Variants in FANCD2OS observed in about 807,000 individuals in gnomAD.
FANCD2OS encodes FANCD2 opposite strand.
In FANCD2OS, 11 loss-of-function variants were observed where a neutral mutation model predicts 13.2. The ratio of observed to expected loss-of-function variants is 0.83; its 90% CI spans 0.52 to 1.38. The LOEUF (loss-of-function observed/expected upper bound fraction) is 1.38. FANCD2OS is among the 40% of genes most tolerant of loss of function. The pLI, the probability that FANCD2OS is intolerant of heterozygous loss-of-function variation, is 0.00. For missense variants in FANCD2OS, 217 were observed against 213.9 expected, an observed-to-expected ratio of 1.01 and a Z score of -0.09; for synonymous variants, 69 against 84.5, an observed-to-expected ratio of 0.82 and a Z score of 1.01.
rs759252565 is a variant in FANCD2OS at position 10,085,872 on chromosome 3, T to G, written c.*44-4341A>C. ...TGTATTCAGCCCTCCATGTCCTTAG[T>G]AGCCGACTGAAACAGGGAGAACACA... On this transcript the variant is annotated intron_variant, in intron 2 of 2. Coordinates refer to the FANCD2OS transcript ENST00000524279. The G allele has an allele frequency of 1.2e-6, 2 of 1,613,914 alleles. No homozygotes were observed. The highest frequency in any genetic ancestry group is 8.5e-7 in the Non-Finnish European group (1 of 1,179,822).
chr3:10,095,248 C>G (rs774580308), intron 2 of FANCD2OS: 1 of 1,614,118 alleles, frequency 6.2e-7, no homozygotes, highest in South Asian at 1.1e-5. Context: ...CACAAGGCTG[C>G]TTCATCACCT....
intron 2 of FANCD2OS, chr3:10,096,396 G>A: frequency 6.2e-7 from 1 of 1,614,106 alleles, no homozygotes; most frequent in Non-Finnish European, 8.5e-7. Flanking sequence ...TTAGTTTGCA[G>A]AGTCAAAGCT....
chr3:10,100,240 C>T (rs891810629), downstream of FANCD2OS, among the ~76,000 whole-genome samples: 6 of 152,214 alleles, frequency 3.9e-5, no homozygotes, highest in African/African-American at 1.4e-4. Flanking sequence ...TATACCCCTT[C>T]TACTTTTTTC....
chr3:10,092,220 C>A, intron 2 of FANCD2OS: 2 of 1,613,916 alleles, frequency 1.2e-6, no homozygotes, highest in Non-Finnish European at 1.7e-6. Context: ...CATGGCTGTT[C>A]GAGACTTCAG....
chr3:10,102,439 G>A (rs1030467452), downstream of FANCD2OS, among the ~76,000 whole-genome samples: 1 of 151,928 alleles, frequency 6.6e-6, no homozygotes, highest in Non-Finnish European at 1.5e-5. Flanking sequence ...CACCATGCCC[G>A]GCCAACTTCA....
chr3:10,095,001 AC>A (rs1252386442), intron 2 of FANCD2OS: 10 of 609,440 alleles, frequency 1.6e-5, no homozygotes, highest in Non-Finnish European at 3.0e-5. Flanking sequence ...TCAGATTGAT[AC>A]AAGGGACAGA....
Position 10,104,553 on chromosome 3 carries a change from G to T in FANCD2OS, c.222C>A (p.Cys74Ter), listed in dbSNP as rs1695415836. ...TCATCGTGCGCAACTCTGATGTGTG[G>T]CAGGGTAACTTGGGACTCACTCCAG... The part of the protein sequence containing the change: ...LESGVSPKLP[C>*]HTSELRTMNN... The change falls in exon 2 of 2, where the codon TGC (cysteine) becomes TGA (stop). Residue 74 changes from cysteine (C) to a stop codon, truncating the protein, a stop_gained. Transcript: ENST00000450660. LOFTEE classifies it high-confidence loss of function. 8 of 1,614,092 alleles carry T rather than the reference G, an allele frequency of 5.0e-6. No homozygotes were observed. The highest frequency in any genetic ancestry group is 1.1e-5 in the South Asian group (1 of 91,090).
At chr3:10,103,263 G>A (rs563274746), downstream of FANCD2OS, among the ~76,000 whole-genome samples, 19 of 152,100 alleles carry the variant, frequency 1.2e-4, no homozygotes, top group African/African-American at 3.4e-4. Flanking sequence ...TTAGCTGGGC[G>A]TGGTGGCACA....
intron 2 of FANCD2OS, chr3:10,088,417 A>C: frequency 7.6e-7 from 1 of 1,316,662 alleles, no homozygotes; most frequent in Non-Finnish European, 1.1e-6. Flanking sequence ...AAGTTCCCAT[A>C]TGTAAGATTC....
intron 2 of FANCD2OS, chr3:10,088,491 G>C (rs1694373627): frequency 1.2e-6 from 2 of 1,612,890 alleles, no homozygotes; most frequent in South Asian, 2.2e-5. Flanking sequence ...TGGCCAAGTG[G>C]GGATAAAGAG....
intron 1 of FANCD2OS, among the ~76,000 whole-genome samples, chr3:10,107,496 C>A (rs1428481111): frequency 6.6e-6 from 1 of 151,892 alleles, no homozygotes; most frequent in Non-Finnish European, 1.5e-5. Flanking sequence ...CCGTGTTAGC[C>A]AGGATGGTCT....
chr3:10,104,206 A>G lies in FANCD2OS; in HGVS notation c.*35T>C. On this transcript the variant is annotated 3_prime_UTR_variant, in exon 2 of 2. Coordinates refer to ENST00000450660, the MANE Select transcript of FANCD2OS (RefSeq NM_001164839.2). Reference sequence around the variant, plus strand: ...AAGCTTTAGGTACATACCAAAGGGCATGGTGTGAGTAAATGGGGATCAAAT... The same window carrying G: ...AAGCTTTAGGTACATACCAAAGGGCGTGGTGTGAGTAAATGGGGATCAAAT... 6.5e-7 allele frequency: 1 copy of G among 1,544,434 alleles called. No individual in the cohort carries two copies. The highest frequency in any genetic ancestry group is 1.2e-5 in the South Asian group (1 of 80,552).
At chr3:10,083,369 G>A (rs1473034022) in intron 2 of FANCD2OS, among the ~76,000 whole-genome samples, 1 of 152,204 alleles carries the variant, frequency 6.6e-6, no homozygotes, top group Non-Finnish European at 1.5e-5. Flanking sequence ...AAAGCACAAT[G>A]AGATAGCACA....
chr3:10,090,324 T>C (rs1694512844), intron 2 of FANCD2OS: 1 of 1,613,458 alleles, frequency 6.2e-7, no homozygotes. Context: ...CGTGTGATGA[T>C]GGCTGAACTA....
At chr3:10,101,164 A>G (rs376303652), downstream of FANCD2OS, 3 of 1,584,262 alleles carry the variant, frequency 1.9e-6, no homozygotes, top group African/African-American at 1.3e-5. Flanking sequence ...TAAAATGCTT[A>G]TTTATTTATT....
intron 1 of FANCD2OS, among the ~76,000 whole-genome samples, chr3:10,106,917 A>T (rs1695509679): frequency 6.6e-6 from 1 of 152,192 alleles, no homozygotes; most frequent in Non-Finnish European, 1.5e-5. Flanking sequence ...AAAAGAAAAA[A>T]ACGTTGGTGA....
intron 2 of FANCD2OS, chr3:10,090,369 C>T: frequency 6.2e-7 from 1 of 1,609,672 alleles, no homozygotes; most frequent in Non-Finnish European, 8.5e-7. Flanking sequence ...CCTGGCACAG[C>T]AGCAGACTCG....
downstream of FANCD2OS, among the ~76,000 whole-genome samples, chr3:10,103,554 G>A (rs959301843): frequency 1.3e-5 from 2 of 152,124 alleles, no homozygotes; most frequent in Non-Finnish European, 2.9e-5. Context: ...CAGCCGTGAT[G>A]ACAGAATGAA....
downstream of FANCD2OS, among the ~76,000 whole-genome samples, chr3:10,102,113 G>A (rs958960120): frequency 7.3e-5 from 11 of 151,514 alleles, no homozygotes; most frequent in Non-Finnish European, 1.2e-4. Context: ...TGATCTTTCT[G>A]GAGGATTGAC....
Sources: allele counts gnomAD v4.1 joint callset (sites outside exome capture counted in the v4.1 genomes callset), GRCh38; gene constraint gnomAD v4.1.1; transcripts MANE v1.5; gene names NCBI Gene and HGNC (gene_info 2026-07-23, HGNC 2026-07-21).